The following EPHA6 variants were observed in gnomAD, a reference collection of about 807,000 sequenced individuals.
EPHA6 encodes ephrin type-A receptor 6.
Under a neutral mutation model 112.0 loss-of-function variants are expected in EPHA6, and 50 were observed. That is an observed-to-expected ratio of 0.45 (90% CI 0.36 to 0.56). EPHA6 has a LOEUF of 0.56. Among genes scored for constraint, EPHA6 ranks in the 20% least tolerant of loss-of-function variants. EPHA6 has a pLI of 0.00. For synonymous variants in EPHA6, 529 were observed against 490.7 expected (o/e 1.08, Z -1.03); for missense variants, 1,280 against 1,417.4 (o/e 0.90, Z 1.56).
chr3:97,670,545 A>G (rs1050596879), intron 14 of EPHA6, among the ~76,000 whole-genome samples: 1 of 152,162 alleles, frequency 6.6e-6, no homozygotes, highest in Non-Finnish European at 1.5e-5. Context: ...AATAGAACTA[A>G]TGTTTTAGGA....
Position 97,448,609 on chromosome 3 carries a change from C to A in EPHA6, c.1773C>A (p.Ala591=). 1 of 1,613,496 alleles carries A rather than the reference C, an allele frequency of 6.2e-7. No individual in the cohort carries two copies. The highest frequency in any genetic ancestry group is 8.5e-7 in the Non-Finnish European group (1 of 1,179,558). Residue 591 remains alanine (A), a synonymous_variant, in exon 7 of 18, where the codon GCC becomes GCA. Coordinates refer to ENST00000389672, the MANE Select transcript of EPHA6 (RefSeq NM_001080448.3). Reference sequence around the variant, plus strand: ...CCTACTCTTCCACAAGGTCCAAAGCCCCCAGTGTCATCATCACAGGTCTTA... The same window carrying A: ...CCTACTCTTCCACAAGGTCCAAAGCACCCAGTGTCATCATCACAGGTCTTA... The part of the protein sequence containing the change: ...QLTYSSTRSK[A]PSVIITGLKP...
rs187489559 is a variant in EPHA6, at chr3:97,542,853, G to T, written c.2386+10310G>T. ...CATTTCTCTGATGGCCAGTGATGATGAGCATTTTTTCGTGTGTTTTTTGGC... is the reference window on the plus strand; with the variant it reads ...CATTTCTCTGATGGCCAGTGATGATTAGCATTTTTTCGTGTGTTTTTTGGC... On this transcript the variant is annotated intron_variant, in intron 11 of 17. Transcript: ENST00000389672. Among the ~76,000 whole-genome samples the T allele has an allele frequency of 4.5e-3, 686 of 152,328 alleles. 8 individuals are homozygous for T. The highest frequency in any genetic ancestry group is 0.015 in the African/African-American group (613 of 41,570).
At chr3:97,476,858 T>C (rs1462255918) in intron 8 of EPHA6, among the ~76,000 whole-genome samples, 1 of 152,064 alleles carries the variant, frequency 6.6e-6, no homozygotes, top group African/African-American at 2.4e-5. Context: ...TTTTCATGTA[T>C]ATAAACAGAT....
At chr3:97,456,754 G>C (rs1253308934) in intron 7 of EPHA6, among the ~76,000 whole-genome samples, 1 of 152,006 alleles carries the variant, frequency 6.6e-6, no homozygotes, top group African/African-American at 2.4e-5. Context: ...CCCAAAGTCT[G>C]ATTTTAATTT....
At chr3:97,274,899 C>A (rs1268951247) in intron 5 of EPHA6, among the ~76,000 whole-genome samples, 2 of 151,976 alleles carry the variant, frequency 1.3e-5, no homozygotes, top group African/African-American at 4.8e-5. Context: ...GTGGGAGACC[C>A]AACAAAGAGT....
Position 97,603,783 on chromosome 3 carries a change from C to A in EPHA6, c.2513-7010C>A, listed in dbSNP as rs146611210. Among the ~76,000 whole-genome samples the A allele has an allele frequency of 4.6e-5, 7 of 151,770 alleles. No homozygotes were observed. In the East Asian group the frequency reaches 1.4e-3, roughly 29 times the overall value. Reference sequence around the variant, plus strand: ...ACTCATATAAATTGTTTTACTCTACCCTAAGAGAAACCATCTTGTTCATTG... The same window carrying A: ...ACTCATATAAATTGTTTTACTCTACACTAAGAGAAACCATCTTGTTCATTG... On this transcript the variant is annotated intron_variant, in intron 12 of 17. Transcript: ENST00000389672.
At chr3:97,035,007 G>A (rs1320749698) in intron 3 of EPHA6, among the ~76,000 whole-genome samples, 1 of 151,872 alleles carries the variant, frequency 6.6e-6, no homozygotes, top group Non-Finnish European at 1.5e-5. Context: ...AAACTTCTAA[G>A]AATAATTTAA....
chr3:97,152,067 C>T (rs1226890509), intron 3 of EPHA6, among the ~76,000 whole-genome samples: 1 of 151,836 alleles, frequency 6.6e-6, no homozygotes, highest in Non-Finnish European at 1.5e-5. Flanking sequence ...AGAAATGTTA[C>T]GTAACATGCC....
intron 3 of EPHA6, among the ~76,000 whole-genome samples, chr3:97,170,534 C>T (rs1027434477): frequency 1.3e-5 from 2 of 151,962 alleles, no homozygotes; most frequent in Admixed American, 6.6e-5. Context: ...GTCAGGAGCT[C>T]GAGACCAGCA....
intron 10 of EPHA6, among the ~76,000 whole-genome samples, chr3:97,502,115 G>T (rs1292761099): frequency 3.3e-5 from 5 of 149,318 alleles, no homozygotes; most frequent in Admixed American, 6.7e-5. Flanking sequence ...ATTGGAGCAT[G>T]ATAACATTGA....
At chr3:97,443,725 G>A (rs1167286824) in intron 6 of EPHA6, among the ~76,000 whole-genome samples, 1 of 152,154 alleles carries the variant, frequency 6.6e-6, no homozygotes, top group Admixed American at 6.5e-5. Flanking sequence ...AACATTTGGT[G>A]TTGAGAATTT....
intron 14 of EPHA6, among the ~76,000 whole-genome samples, chr3:97,708,332 A>C (rs574903940): frequency 1.3e-5 from 2 of 152,348 alleles, no homozygotes; most frequent in South Asian, 4.1e-4. Context: ...GAGATCTGTG[A>C]AACTTTGAAC....
chr3:97,220,214 C>T (rs541544230), intron 3 of EPHA6, among the ~76,000 whole-genome samples: 1 of 152,276 alleles, frequency 6.6e-6, no homozygotes, highest in East Asian at 1.9e-4. Flanking sequence ...CAAACTTTCC[C>T]ACATCTTCCT....
At chr3:97,622,085 T>G (rs1183763073) in intron 13 of EPHA6, among the ~76,000 whole-genome samples, 1 of 151,870 alleles carries the variant, frequency 6.6e-6, no homozygotes, top group Non-Finnish European at 1.5e-5. Context: ...ATTTACCATC[T>G]TAACCATTTT....
At chr3:97,010,024 T>C in intron 3 of EPHA6, 1 of 1,246,166 alleles carries the variant, frequency 8.0e-7, no homozygotes, top group Non-Finnish European at 1.1e-6. Flanking sequence ...AGGCCGCTGC[T>C]TCTAGTTGGC....
intron 10 of EPHA6, among the ~76,000 whole-genome samples, chr3:97,507,361 T>G (rs2107577380): frequency 6.6e-6 from 1 of 152,224 alleles, no homozygotes; most frequent in South Asian, 2.1e-4. Flanking sequence ...TTATTCAGAG[T>G]TTTTAGCATG....
At chr3:96,978,483 G>A (rs186198272) in intron 2 of EPHA6, among the ~76,000 whole-genome samples, 1 of 152,170 alleles carries the variant, frequency 6.6e-6, no homozygotes. Context: ...AAATTCCATA[G>A]GCTTTTAGAT....
intron 7 of EPHA6, among the ~76,000 whole-genome samples, chr3:97,461,426 T>A (rs577855359): frequency 6.6e-6 from 1 of 152,258 alleles, no homozygotes; most frequent in East Asian, 1.9e-4. Flanking sequence ...GGATACCACC[T>A]ACTTTCTAAG....
At chr3:97,629,444 C>G (rs2093885504) in intron 13 of EPHA6, among the ~76,000 whole-genome samples, 1 of 151,790 alleles carries the variant, frequency 6.6e-6, no homozygotes, top group Non-Finnish European at 1.5e-5. Flanking sequence ...GATGAGTGAA[C>G]TTTTTTGTAA....
Sources: gnomAD v4.1 joint callset for allele counts (sites outside exome capture counted in the v4.1 genomes callset) on GRCh38, gnomAD v4.1.1 for gene constraint, MANE v1.5 for transcripts, NCBI Gene and HGNC (gene_info 2026-07-23, HGNC 2026-07-21) for gene names.